Variants in ATXN10 observed in about 807,000 individuals in gnomAD.
ATXN10 encodes ataxin 10.
ATXN10 carries 28 observed loss-of-function variants against 52.9 expected under a neutral mutation model. The observed-to-expected ratio is 0.53, with a 90% CI of 0.39 to 0.73. The LOEUF (loss-of-function observed/expected upper bound fraction) is 0.73, where lower values mean the gene tolerates loss of function less well. Ranked by LOEUF, ATXN10 falls within the 30% of genes least tolerant of loss-of-function variation. ATXN10 has a pLI of 0.00. For synonymous variants in ATXN10, 226 were observed against 221.5 expected, an observed-to-expected ratio of 1.02 and a Z score of -0.18; for missense variants, 565 against 577.0, an observed-to-expected ratio of 0.98 and a Z score of 0.21.
intron 10 of ATXN10, among the ~76,000 whole-genome samples, chr22:45,832,742 A>T (rs1056404754): frequency 3.3e-5 from 5 of 152,372 alleles, no homozygotes; most frequent in Non-Finnish European, 7.3e-5. Flanking sequence ...CTCCAACGCC[A>T]GTCTAAATAT....
In ATXN10 at chr22:45,787,524, T is replaced by C. The variant is rs756694249; in HGVS notation, c.1174-19435T>C. Among the ~76,000 whole-genome samples the C allele has an allele frequency of 6.6e-6, 1 of 152,202 alleles. No homozygotes were observed. The highest frequency in any genetic ancestry group is 1.5e-5 in the Non-Finnish European group (1 of 68,036). ...AGCCTGGCATTTGCTTCTTTTGACCTTCGGTACTCAGTAGACTTACTGTAT... is the reference window on the plus strand; with the variant it reads ...AGCCTGGCATTTGCTTCTTTTGACCCTCGGTACTCAGTAGACTTACTGTAT... On this transcript the variant is annotated intron_variant, in intron 9 of 11. Coordinates refer to ENST00000252934, the MANE Select transcript of ATXN10 (RefSeq NM_013236.4). This position sits in a 1 kb window ranked among gnomAD's most constrained non-coding sequence, Gnocchi z 4.2.
At chr22:45,798,484 C>T (rs900100740) in intron 9 of ATXN10, among the ~76,000 whole-genome samples, 3 of 152,222 alleles carry the variant, frequency 2.0e-5, no homozygotes, top group South Asian at 2.1e-4. Context: ...CACTCATTCA[C>T]GTCAAAATTT....
rs1372993703 is a variant in ATXN10, at chr22:45,696,844, A to G, written c.392-3438A>G. 3.3e-5 allele frequency among the ~76,000 whole-genome samples: 5 copies of G among 152,242 alleles called. No individual in the cohort carries two copies. The highest frequency in any genetic ancestry group is 1.2e-4 in the African/African-American group (5 of 41,456). On this transcript the variant is annotated intron_variant, in intron 3 of 11. Transcript: ENST00000252934. The surrounding 1 kb of genome is among the most constrained non-coding windows in gnomAD (Gnocchi z 4.7). The stretch of plus-strand genomic sequence containing the variant: ...TAAGAAAAAATTTAACGGAGCAGAT[A>G]TCTGAAACTACTTTTATGAACCAGT...
At chr22:45,839,168 G>A (rs775606218) in intron 10 of ATXN10, among the ~76,000 whole-genome samples, 14 of 152,204 alleles carry the variant, frequency 9.2e-5, no homozygotes, top group Non-Finnish European at 1.6e-4. Flanking sequence ...GATTCTCAAG[G>A]CCGTGAAAGG....
intron 9 of ATXN10, among the ~76,000 whole-genome samples, chr22:45,758,987 G>GA (rs1297996157): frequency 1.3e-5 from 2 of 152,160 alleles, no homozygotes; most frequent in African/African-American, 4.8e-5. Flanking sequence ...GAGTTAACAA[G>GA]ATTTAATGTA....
chr22:45,824,584 A>G lies in ATXN10; in HGVS notation c.1237+17562A>G, dbSNP rs1259062440. 6.6e-6 allele frequency among the ~76,000 whole-genome samples: 1 copy of G among 152,208 alleles called. No individual in the cohort carries two copies. The highest frequency in any genetic ancestry group is 2.4e-5 in the African/African-American group (1 of 41,446). On this transcript the variant is annotated intron_variant, in intron 10 of 11. Coordinates refer to ENST00000252934, the MANE Select transcript of ATXN10 (RefSeq NM_013236.4). The surrounding 1 kb of genome is among the most constrained non-coding windows in gnomAD (Gnocchi z 5.2). ...ATGAGGAAACTCTAAGAATCGTGTC[A>G]TATTTAATGAAATCTTCAAGTGGCA...
intron 2 of ATXN10, among the ~76,000 whole-genome samples, chr22:45,692,338 G>A (rs1923417699): frequency 6.6e-6 from 1 of 152,014 alleles, no homozygotes; most frequent in African/African-American, 2.4e-5. Flanking sequence ...TCTTTTTATT[G>A]CATGCAACTT....
Position 45,738,895 on chromosome 22 carries a change from C to T in ATXN10, c.1003+56C>T, listed in dbSNP as rs983616594. ...GCTAAGAAATCTTTGGCTTGTCATA[C>T]TGTAATATAAATCCAAATACAAATC... On this transcript the variant is annotated intron_variant, in intron 8 of 11. Transcript: ENST00000252934. 11 of 1,404,334 alleles carry T rather than the reference C, an allele frequency of 7.8e-6. No homozygotes were observed. The African/African-American group carries it at 1.3e-4, about 16-fold the overall frequency. 87.0% of individuals were successfully genotyped at this position (1,404,334 alleles called of 1,614,324 possible).
chr22:45,700,286 T>C lies in ATXN10; in HGVS notation c.396T>C (p.Phe132=), dbSNP rs1923789612. The C allele has an allele frequency of 6.2e-7, 1 of 1,609,696 alleles. No individual in the cohort carries two copies. Among genetic ancestry groups the C allele is most frequent in the African/African-American group, 1.3e-5 (1 of 74,970 alleles). Residue 132 remains phenylalanine, a synonymous_variant, in exon 4 of 12, where the codon TTT becomes TTC. Transcript: ENST00000252934. ...ATAACTTTTATATATTCTTAGCTTT[T>C]CGCTGTGGCCTGCAGTTTTTAGGCA... ...RVEQESLLTA[F]RCGLQFLGNI...
intron 10 of ATXN10, among the ~76,000 whole-genome samples, chr22:45,827,132 CACACACACA>C (rs1466851104): frequency 9.0e-4 from 2 of 2,226 alleles, no homozygotes; most frequent in Non-Finnish European, 1.4e-3. Context: ...ATGGTAACCA[CACACACACA>C]CACACACACA....
chr22:45,796,084 C>G (rs1042414000), intron 9 of ATXN10, among the ~76,000 whole-genome samples: 1 of 152,178 alleles, frequency 6.6e-6, no homozygotes, highest in Admixed American at 6.5e-5. Flanking sequence ...GGAGAAATAT[C>G]GCTGAATTCT....
At chr22:45,685,518 TG>T (rs1271395372) in intron 1 of ATXN10, among the ~76,000 whole-genome samples, 1 of 152,234 alleles carries the variant, frequency 6.6e-6, no homozygotes, top group Non-Finnish European at 1.5e-5. Context: ...TAATAACTTT[TG>T]TAATATTGGA....
At chr22:45,755,565 T>C (rs1926144563) in intron 9 of ATXN10, among the ~76,000 whole-genome samples, 1 of 152,176 alleles carries the variant, frequency 6.6e-6, no homozygotes, top group Admixed American at 6.5e-5. Context: ...TGTTGGTGTT[T>C]TTCATGCTAC....
intron 9 of ATXN10, among the ~76,000 whole-genome samples, chr22:45,803,599 A>G (rs931301274): frequency 1.3e-5 from 2 of 152,190 alleles, no homozygotes. Context: ...CTTTCCTCTC[A>G]GTGACACTTA....
At position 45,754,844 on chromosome 22, in the gene ATXN10, G is replaced by A. The variant is rs186995716; in HGVS notation, c.1173+14306G>A. On this transcript the variant is annotated intron_variant, in intron 9 of 11. Transcript: ENST00000252934. The surrounding 1 kb of genome is among the most constrained non-coding windows in gnomAD (Gnocchi z 5.4). ...CACTCCAGCCTGGGCAACAGAGTGAGACTCTGTCTCAAAAAATGTCTTGGC... is the reference window on the plus strand; with the variant it reads ...CACTCCAGCCTGGGCAACAGAGTGAAACTCTGTCTCAAAAAATGTCTTGGC... Among the ~76,000 whole-genome samples the A allele has an allele frequency of 6.5e-4, 99 of 152,368 alleles. No homozygotes were observed. The highest frequency in any genetic ancestry group is 2.2e-3 in the African/African-American group (92 of 41,594).
chr22:45,724,217 A>C (rs1432375463), intron 6 of ATXN10, among the ~76,000 whole-genome samples: 2 of 152,168 alleles, frequency 1.3e-5, no homozygotes, highest in African/African-American at 4.8e-5. Context: ...TGGTAGGTCT[A>C]CTTTTAGTTC....
intron 1 of ATXN10, chr22:45,674,537 T>G (rs1922604675): frequency 6.6e-6 from 1 of 152,224 alleles, no homozygotes; most frequent in South Asian, 2.1e-4. Flanking sequence ...TCTGAGAGGA[T>G]CCCTCCAGTT....
At chr22:45,765,762 G>A (rs1030036130) in intron 9 of ATXN10, among the ~76,000 whole-genome samples, 10 of 152,090 alleles carry the variant, frequency 6.6e-5, no homozygotes, top group Admixed American at 5.9e-4. Context: ...GTCCCTATTC[G>A]TACCATGTGC....
rs765834206 is a variant in ATXN10 at position 45,843,123 on chromosome 22, T to C, written c.1370T>C (p.Val457Ala). Residue 457 changes from valine to alanine, a missense_variant, in exon 11 of 12, where the codon GTT (valine) becomes GCT (alanine). Transcript: ENST00000252934. The surrounding 1 kb of genome is among the most constrained non-coding windows in gnomAD (Gnocchi z 4.5). Reference sequence around the variant, plus strand: ...CTACTTAAAAAAGTGGGTTTTGAAGTTGAAAAGAAAGGCGAAAAGCTGATC... The same window carrying C: ...CTACTTAAAAAAGTGGGTTTTGAAGCTGAAAAGAAAGGCGAAAAGCTGATC... ...ASLLKKVGFEVEKKGEKLILK... is the reference protein window; with the variant it reads ...ASLLKKVGFEAEKKGEKLILK... 1 of 1,614,050 alleles carries C rather than the reference T, an allele frequency of 6.2e-7. No homozygotes were observed. The highest frequency in any genetic ancestry group is 1.7e-5 in the Admixed American group (1 of 60,014).
Sources: allele counts gnomAD v4.1 joint callset (sites outside exome capture counted in the v4.1 genomes callset), GRCh38; gene constraint gnomAD v4.1.1; non-coding constraint Gnocchi (gnomAD v3.1); transcripts MANE v1.5; gene names NCBI Gene and HGNC (gene_info 2026-07-23, HGNC 2026-07-21).